NCOR1: variants seen among roughly 807,000 people sequenced by gnomAD.
NCOR1 encodes the protein protein phosphatase 1, regulatory subunit 109.
A neutral mutation model predicts 288.1 loss-of-function variants in NCOR1; 63 were observed. The observed-to-expected ratio is 0.22, with a 90% CI of 0.18 to 0.27. NCOR1 has a LOEUF of 0.27. NCOR1 is among the 10% of genes least tolerant of loss of function. NCOR1 has a pLI of 1.00. For missense variants in NCOR1, 2,397 were observed against 3,019.2 expected, an observed-to-expected ratio of 0.79 and a Z score of 4.83; for synonymous variants, 1,007 against 1,065.9, an observed-to-expected ratio of 0.94 and a Z score of 1.08.
At chr17:16,056,670 T>C (rs764693782) in intron 40 of NCOR1, among the ~76,000 whole-genome samples, 23 of 152,114 alleles carry the variant, frequency 1.5e-4, no homozygotes, top group Non-Finnish European at 1.3e-4. Flanking sequence ...TAATTTAACA[T>C]TTGCTAATAT....
intron 7 of NCOR1, 69 bp downstream of exon 7, chr17:16,153,270 C>A: frequency 8.9e-7 from 1 of 1,117,470 alleles, no homozygotes; most frequent in Admixed American, 2.0e-5. Context: ...CATATTCCAT[C>A]TTATCCCAAG....
chr17:16,200,495 CAAAAAAAAA>C (rs55957034), intron 1 of NCOR1, among the ~76,000 whole-genome samples: 704 of 60,786 alleles, frequency 0.012, 17 homozygotes, highest in African/African-American at 0.044. Flanking sequence ...GACTCCATCT[CAAAAAAAAA>C]AAAAAAAAAA....
rs1319969212 is a variant in NCOR1 at position 16,152,560 on chromosome 17, A to G, written c.790-562T>C. Among the ~76,000 whole-genome samples, 7 of 152,120 alleles carry G rather than the reference A, an allele frequency of 4.6e-5. No individual in the cohort carries two copies. The East Asian group carries it at 1.3e-3, about 29-fold the overall frequency. On this transcript the variant is annotated intron_variant, in intron 7 of 45. Transcript: ENST00000268712. ...TCTTAATCCAGTCTATCATTGATGG[A>G]CATTTGGGTTGGTTCCCAGTCTTTG...
intron 3 of NCOR1, among the ~76,000 whole-genome samples, chr17:16,182,746 C>A (rs1223302731): frequency 6.6e-6 from 1 of 152,008 alleles, no homozygotes; most frequent in Non-Finnish European, 1.5e-5. Flanking sequence ...GCCACAGTGC[C>A]CGGCCCAAAA....
chr17:16,087,322 A>C (rs2064400051), intron 22 of NCOR1: 1 of 1,304,098 alleles, frequency 7.7e-7, no homozygotes, highest in Non-Finnish European at 1.0e-6. Context: ...ACCTCAGCAT[A>C]AGGCATATAG....
At chr17:16,187,213 T>C (rs1462704302) in intron 2 of NCOR1, among the ~76,000 whole-genome samples, 1 of 151,180 alleles carries the variant, frequency 6.6e-6, no homozygotes, top group Non-Finnish European at 1.5e-5. Context: ...TTTTTTTTTT[T>C]GGCAAAAACT....
In NCOR1 at chr17:16,168,758, G is replaced by A. The variant is rs570863999; in HGVS notation, c.435+3045C>T. ...GGCCAAAGCGGGCAGATCACCTGAG[G>A]TCAGGAGTTCGAGACCAGCCTGGCC... is the stretch of plus-strand genomic sequence containing the variant. On this transcript the variant is annotated intron_variant, in intron 4 of 45. Coordinates refer to ENST00000268712, the MANE Select transcript of NCOR1 (RefSeq NM_006311.4). 2.0e-5 allele frequency among the ~76,000 whole-genome samples: 3 copies of A among 152,022 alleles called. No individual in the cohort carries two copies. In the South Asian group the frequency reaches 6.2e-4, roughly 32 times the overall value.
chr17:16,119,830 C>T (rs759006137), intron 16 of NCOR1, among the ~76,000 whole-genome samples: 1 of 152,140 alleles, frequency 6.6e-6, no homozygotes, highest in East Asian at 1.9e-4. Context: ...AAGCAACCCT[C>T]CTCCTTCCTG....
intron 34 of NCOR1, 110 bp downstream of exon 34, chr17:16,064,760 A>G: frequency 8.9e-7 from 1 of 1,121,390 alleles, no homozygotes; most frequent in Non-Finnish European, 1.2e-6. Context: ...GTTAAAAGAA[A>G]AACAAGAAAC....
chr17:16,127,566 T>C lies in NCOR1; in HGVS notation c.1510-1360A>G, dbSNP rs545856444. ...GTATATATACACATGTGTATATATGTATGTATATATACATATGTGTATATA... is the reference window on the plus strand; with the variant it reads ...GTATATATACACATGTGTATATATGCATGTATATATACATATGTGTATATA... On this transcript the variant is annotated intron_variant, in intron 14 of 45. Coordinates refer to ENST00000268712, the MANE Select transcript of NCOR1 (RefSeq NM_006311.4). 4.3e-4 allele frequency among the ~76,000 whole-genome samples: 60 copies of C among 138,756 alleles called. 1 individual carries two copies. The highest frequency in any genetic ancestry group is 3.8e-3 in the Middle Eastern group (1 of 262). 91.0% of individuals were successfully genotyped at this position (138,756 alleles called of 152,430 possible).
chr17:16,174,356 T>G (rs1267924747), intron 3 of NCOR1, among the ~76,000 whole-genome samples: 2 of 152,222 alleles, frequency 1.3e-5, no homozygotes, highest in Non-Finnish European at 2.9e-5. Flanking sequence ...TCTACCCAAG[T>G]AATGCCTTAG....
chr17:16,203,965 T>A (rs2091184520), intron 1 of NCOR1, among the ~76,000 whole-genome samples: 1 of 152,200 alleles, frequency 6.6e-6, no homozygotes, highest in Admixed American at 6.5e-5. Flanking sequence ...ACAGAATGAT[T>A]CTAAAGTTCA....
At chr17:16,143,319 T>C (rs565465833) in intron 11 of NCOR1, among the ~76,000 whole-genome samples, 50 of 152,328 alleles carry the variant, frequency 3.3e-4, no homozygotes, top group African/African-American at 1.2e-3. Context: ...CACTCGCCTA[T>C]ACATCCCTAC....
intron 2 of NCOR1, among the ~76,000 whole-genome samples, chr17:16,193,853 C>A (rs904147852): frequency 3.9e-5 from 6 of 151,992 alleles, no homozygotes; most frequent in African/African-American, 1.4e-4. Context: ...GATGACAAAT[C>A]TGCTTTCTTA....
rs2060955873 is a variant in NCOR1 at position 16,064,932 on chromosome 17, T to G, written c.5039A>C (p.Tyr1680Ser). 1.2e-6 allele frequency: 2 copies of G among 1,613,852 alleles called. No homozygotes were observed. Among genetic ancestry groups the G allele is most frequent in the Non-Finnish European group, 8.5e-7 (1 of 1,179,882 alleles). The change falls in exon 34 of 46, where the codon TAT (tyrosine) becomes TCT (serine). Residue 1680 changes from tyrosine to serine, a missense_variant. Tyr to Ser is a moderately radical substitution (Grantham distance 144, BLOSUM62 -2). This residue lies in a region of NCOR1 where 1,872 missense variants were observed against 2,187.8 expected (regional missense o/e 0.86). Transcript: ENST00000268712. ...TSTPPMDRIT[Y>S]IPGTQITFPP... ...GAAAGTAATCTGTGTACCAGGAATATAAGTGATTCTGTCCATGGGAGGAGT... is the reference window on the plus strand; with the variant it reads ...GAAAGTAATCTGTGTACCAGGAATAGAAGTGATTCTGTCCATGGGAGGAGT...
At chr17:16,156,447 GAA>G in intron 6 of NCOR1, among the ~76,000 whole-genome samples, 1 of 109,310 alleles carries the variant, frequency 9.1e-6, no homozygotes, top group Non-Finnish European at 1.9e-5. Context: ...AAAAAAAAAA[GAA>G]AAGAAAAGAA....
intron 5 of NCOR1, among the ~76,000 whole-genome samples, chr17:16,162,998 T>A (rs996181467): frequency 1.3e-5 from 2 of 152,108 alleles, no homozygotes; most frequent in African/African-American, 4.8e-5. Context: ...ATATAAAACC[T>A]AAACAAATTC....
chr17:16,177,059 T>C (rs2084346246), intron 3 of NCOR1, among the ~76,000 whole-genome samples: 1 of 152,160 alleles, frequency 6.6e-6, no homozygotes, highest in Non-Finnish European at 1.5e-5. Context: ...TTTCTAATTG[T>C]CTTAATCTTT....
At chr17:16,192,167 A>C (rs1212813464) in intron 2 of NCOR1, 6 of 151,972 alleles carry the variant, frequency 3.9e-5, no homozygotes, top group East Asian at 3.9e-4. Context: ...AAAAAAAAAA[A>C]AACCCATACC....
Sources: allele counts gnomAD v4.1 joint callset (sites outside exome capture counted in the v4.1 genomes callset), GRCh38; gene constraint gnomAD v4.1.1; regional missense constraint gnomAD v4.1.1; transcripts MANE v1.5; gene names NCBI Gene and HGNC (gene_info 2026-07-23, HGNC 2026-07-21).